Variants in DHRS3 observed in about 807,000 individuals in gnomAD.
The protein encoded by DHRS3 is dehydrogenase/reductase 3.
A neutral mutation model predicts 27.2 loss-of-function variants in DHRS3; 14 were observed. The ratio of observed to expected loss-of-function variants is 0.52; its 90% CI spans 0.34 to 0.81. The LOEUF (loss-of-function observed/expected upper bound fraction) is 0.81. Ranked by LOEUF, DHRS3 falls within the 30% of genes least tolerant of loss-of-function variation. DHRS3 has a pLI of 0.01. For synonymous variants in DHRS3, 165 were observed against 175.9 expected, an observed-to-expected ratio of 0.94 and a Z score of 0.49; for missense variants, 322 against 406.2, an observed-to-expected ratio of 0.79 and a Z score of 1.78.
In DHRS3 at chr1:12,586,906, C is replaced by T. The variant is rs1646701522; in HGVS notation, c.196-6240G>A. On this transcript the variant is annotated intron_variant, in intron 1 of 5. Transcript: ENST00000616661. The surrounding 1 kb of genome is among the most constrained non-coding windows in gnomAD (Gnocchi z 5.0). ...AGCTGGCACCCACTAACTAACTGCT[C>T]AGTACCCACTCCCTGTTGGTATTTC... 6.6e-6 allele frequency among the ~76,000 whole-genome samples: 1 copy of T among 152,144 alleles called. No homozygotes were observed. Among genetic ancestry groups the T allele is most frequent in the Admixed American group, 6.5e-5 (1 of 15,276 alleles).
Position 12,574,838 on chromosome 1 carries a change from G to A in DHRS3, c.699-1985C>T, listed in dbSNP as rs1348442980. 1.3e-5 allele frequency among the ~76,000 whole-genome samples: 2 copies of A among 152,198 alleles called. No homozygotes were observed. Among genetic ancestry groups the A allele is most frequent in the South Asian group, 2.1e-4 (1 of 4,828 alleles). On this transcript the variant is annotated intron_variant, in intron 4 of 5. Coordinates refer to ENST00000616661, the MANE Select transcript of DHRS3 (RefSeq NM_004753.7). The surrounding 1 kb of genome is among the most constrained non-coding windows in gnomAD (Gnocchi z 4.6). ...ACTCCCATGGAAGCAGTGCAAATTC[G>A]TGGAAGAAGCATGCTTAGCTAGCCA...
chr1:12,568,692 G>A (rs934972840), intron 5 of DHRS3, among the ~76,000 whole-genome samples: 2 of 152,026 alleles, frequency 1.3e-5, no homozygotes, highest in Non-Finnish European at 2.9e-5. Context: ...TTGGGAGGCC[G>A]AGATGGGCGG....
intron 1 of DHRS3, among the ~76,000 whole-genome samples, chr1:12,598,642 G>A (rs1424631918): frequency 6.6e-6 from 1 of 152,134 alleles, no homozygotes; most frequent in African/African-American, 2.4e-5. Context: ...ACCTTGCTGT[G>A]GGCATCACTA....
At chr1:12,572,908 G>T in intron 4 of DHRS3, 55 bp from the exon 5 acceptor site, 1 of 1,513,408 alleles carries the variant, frequency 6.6e-7, no homozygotes, top group Non-Finnish European at 8.8e-7. Context: ...GTGCTTATCT[G>T]GAAGTCTTTA....
Position 12,604,565 on chromosome 1 carries a change from T to A in DHRS3, c.195+12589A>T, listed in dbSNP as rs12755309. On this transcript the variant is annotated intron_variant, in intron 1 of 5. Coordinates refer to ENST00000616661, the MANE Select transcript of DHRS3 (RefSeq NM_004753.7). ...CTTATCACCGCTCTCTCCAGAACCC[T>A]CTGTGTACTAAGCCCCATTACTTAA... Among the ~76,000 whole-genome samples the A allele has an allele frequency of 2.4e-4, 36 of 152,324 alleles. No individual in the cohort carries two copies. In the South Asian group the frequency reaches 6.0e-3, roughly 25 times the overall value.
At chr1:12,615,103 C>T (rs1014446283) in intron 1 of DHRS3, among the ~76,000 whole-genome samples, 2 of 152,196 alleles carry the variant, frequency 1.3e-5, no homozygotes, top group Admixed American at 1.3e-4. Context: ...GGCAAGAAGC[C>T]ACAATTCCAA....
chr1:12,617,096 GGT>G, intron 1 of DHRS3, 56 bp downstream of exon 1: 1 of 1,535,714 alleles, frequency 6.5e-7, no homozygotes, highest in Non-Finnish European at 8.7e-7. Context: ...AGCGGCAGCA[GGT>G]GGGCTTACCC....
At chr1:12,596,914 C>G (rs917301849) in intron 1 of DHRS3, among the ~76,000 whole-genome samples, 49 of 152,242 alleles carry the variant, frequency 3.2e-4, no homozygotes, top group African/African-American at 9.1e-4. Context: ...CACTGCCCCC[C>G]CAAACTGAGC....
intron 4 of DHRS3, among the ~76,000 whole-genome samples, chr1:12,577,899 CAGTT>C (rs1646604641): frequency 6.6e-6 from 1 of 152,194 alleles, no homozygotes; most frequent in Non-Finnish European, 1.5e-5. Context: ...CTTAAGCAGA[CAGTT>C]TGATTAACTT....
rs772938318 is a variant in DHRS3, at chr1:12,572,759, A to T, written c.793T>A (p.Trp265Arg). The T allele has an allele frequency of 3.7e-6, 6 of 1,610,558 alleles. No homozygotes were observed. In the Admixed American group the frequency reaches 1.0e-4, roughly 27 times the overall value. The change falls in exon 5 of 6, where the codon TGG (tryptophan) becomes AGG (arginine). Residue 265 changes from tryptophan to arginine, a missense_variant. Coordinates refer to ENST00000616661, the MANE Select transcript of DHRS3 (RefSeq NM_004753.7). ...AAGATAACGAGGGCATGCATTGTCCATGGGAGGAGGAGGAGGGCCTGGTTG... is the reference window on the plus strand; with the variant it reads ...AAGATAACGAGGGCATGCATTGTCCTTGGGAGGAGGAGGAGGGCCTGGTTG... ...QLNQALLLLP[W>R]TMHALVILKS...
At position 12,608,316 on chromosome 1, in the gene DHRS3, G is replaced by T. The variant is rs6541043; in HGVS notation, c.195+8838C>A. Among the ~76,000 whole-genome samples, 1 of 152,022 alleles carries T rather than the reference G, an allele frequency of 6.6e-6. No homozygotes were observed. The highest frequency in any genetic ancestry group is 6.5e-5 in the Admixed American group (1 of 15,280). On this transcript the variant is annotated intron_variant, in intron 1 of 5. Coordinates refer to ENST00000616661, the MANE Select transcript of DHRS3 (RefSeq NM_004753.7). This position sits in a 1 kb window ranked among gnomAD's most constrained non-coding sequence, Gnocchi z 4.1. The stretch of plus-strand genomic sequence containing the variant: ...AGTACCACGGTCATGAATATTACTA[G>T]GAACGCAAGGAAGCCATCAGCATCC...
rs1364880935 is a variant in DHRS3 at position 12,586,124 on chromosome 1, CT to C, written c.196-5459del. Among the ~76,000 whole-genome samples the C allele has an allele frequency of 7.2e-5, 11 of 152,222 alleles. No homozygotes were observed. Among genetic ancestry groups the C allele is most frequent in the Admixed American group, 7.2e-4 (11 of 15,290 alleles). On this transcript the variant is annotated intron_variant, in intron 1 of 5. Transcript: ENST00000616661. This position sits in a 1 kb window ranked among gnomAD's most constrained non-coding sequence, Gnocchi z 5.0. ...GACCTCTGGTCTCCGGGGCCCCGGGCTGTCCTGCCCTTGCCCAGAGCTGCTC... is the reference window on the plus strand; with the variant it reads ...GACCTCTGGTCTCCGGGGCCCCGGGCGTCCTGCCCTTGCCCAGAGCTGCTC...
In DHRS3 at chr1:12,586,722, T is replaced by C. The variant is rs1027104768; in HGVS notation, c.196-6056A>G. Among the ~76,000 whole-genome samples, 1 of 152,216 alleles carries C rather than the reference T, an allele frequency of 6.6e-6. No homozygotes were observed. The highest frequency in any genetic ancestry group is 1.5e-5 in the Non-Finnish European group (1 of 68,032). On this transcript the variant is annotated intron_variant, in intron 1 of 5. Transcript: ENST00000616661. This position sits in a 1 kb window ranked among gnomAD's most constrained non-coding sequence, Gnocchi z 5.0. ...CTGCAGTTCAGAGAGGCTAAGCAACTCGTCTGAGGTCACACAGCAACTGAA... is the reference window on the plus strand; with the variant it reads ...CTGCAGTTCAGAGAGGCTAAGCAACCCGTCTGAGGTCACACAGCAACTGAA...
At chr1:12,582,872 T>G in intron 1 of DHRS3, among the ~76,000 whole-genome samples, 1 of 147,150 alleles carries the variant, frequency 6.8e-6, no homozygotes, top group Non-Finnish European at 1.5e-5. Context: ...CATCCATCCA[T>G]CCCTCCCTCC....
rs1191336019 is a variant in DHRS3 at position 12,591,873 on chromosome 1, C to T, written c.196-11207G>A. Among the ~76,000 whole-genome samples the T allele has an allele frequency of 6.6e-6, 1 of 152,208 alleles. No homozygotes were observed. Among genetic ancestry groups the T allele is most frequent in the African/African-American group, 2.4e-5 (1 of 41,454 alleles). ...TCCAAGGACTGGACAGAAAGGTGTC[C>T]ACCTCCCAGGGAATGAGGGAAAGGT... On this transcript the variant is annotated intron_variant, in intron 1 of 5. Transcript: ENST00000616661. This position sits in a 1 kb window ranked among gnomAD's most constrained non-coding sequence, Gnocchi z 4.1.
chr1:12,575,153 A>G (rs1417652361), intron 4 of DHRS3, among the ~76,000 whole-genome samples: 1 of 151,932 alleles, frequency 6.6e-6, no homozygotes, highest in East Asian at 1.9e-4. Context: ...ACGGCGAAAC[A>G]CTGTCTCTAC....
chr1:12,612,944 C>T (rs1184911810), intron 1 of DHRS3, among the ~76,000 whole-genome samples: 1 of 152,028 alleles, frequency 6.6e-6, no homozygotes, highest in African/African-American at 2.4e-5. Context: ...CCTGTAATCC[C>T]AGCTACTCGG....
intron 1 of DHRS3, chr1:12,616,606 T>C (rs902867076): frequency 2.0e-6 from 2 of 986,394 alleles, no homozygotes; most frequent in Admixed American, 6.1e-5. Context: ...CCTCTCAGTG[T>C]CGGTCCGGCC....
intron 5 of DHRS3, among the ~76,000 whole-genome samples, chr1:12,570,785 G>A (rs1277161798): frequency 6.6e-6 from 1 of 152,202 alleles, no homozygotes; most frequent in Non-Finnish European, 1.5e-5. Context: ...CGGCTGAGGA[G>A]CATCTCAGAC....
Sources: allele counts gnomAD v4.1 joint callset (sites outside exome capture counted in the v4.1 genomes callset), GRCh38; gene constraint gnomAD v4.1.1; non-coding constraint Gnocchi (gnomAD v3.1); transcripts MANE v1.5; gene names NCBI Gene and HGNC (gene_info 2026-07-23, HGNC 2026-07-21).